CAPS2: variants seen among roughly 807,000 people sequenced by gnomAD.
CAPS2 encodes calcyphosine 2.
Under a neutral mutation model 86.5 loss-of-function variants are expected in CAPS2, and 98 were observed. The ratio of observed to expected loss-of-function variants is 1.13; its 90% CI spans 0.96 to 1.34. The LOEUF is 1.34. Ranked by LOEUF, CAPS2 falls within the 40% of genes most tolerant of loss-of-function variation. The probability of loss-of-function intolerance (pLI) is 0.00; values close to 1 mark genes in which losing one functional copy is unlikely to be tolerated. For missense variants in CAPS2, 729 were observed against 686.8 expected (o/e 1.06, Z -0.69); for synonymous variants, 210 against 225.1 (o/e 0.93, Z 0.60).
At chr12:75,299,980 C>CA in intron 8 of CAPS2, 69 bp from the exon 9 acceptor site, 1 of 596,972 alleles carries the variant, frequency 1.7e-6, no homozygotes, top group Admixed American at 3.2e-5. Flanking sequence ...TGTAAATGTA[C>CA]AAAAAAAGTT....
chr12:75,317,552 T>C (rs925141543), intron 5 of CAPS2, among the ~76,000 whole-genome samples: 5 of 152,284 alleles, frequency 3.3e-5, no homozygotes, highest in African/African-American at 9.6e-5. Flanking sequence ...AAAACTGATA[T>C]TTCCACTTAA....
intron 1 of CAPS2, among the ~76,000 whole-genome samples, chr12:75,384,913 A>C (rs2045207309): frequency 6.6e-6 from 1 of 152,256 alleles, no homozygotes; most frequent in Admixed American, 6.5e-5. Flanking sequence ...GTGGGGCTTT[A>C]AAAAGATTAT....
At chr12:75,291,688 AT>A in intron 13 of CAPS2, 55 bp downstream of exon 13, 1 of 826,236 alleles carries the variant, frequency 1.2e-6, no homozygotes, top group Non-Finnish European at 1.8e-6. Context: ...TGTTTTACTG[AT>A]TATAAAAAAG....
At chr12:75,367,369 C>G (rs2044045755) in intron 1 of CAPS2, among the ~76,000 whole-genome samples, 1 of 148,336 alleles carries the variant, frequency 6.7e-6, no homozygotes, top group African/African-American at 2.5e-5. Flanking sequence ...TATTTTATTT[C>G]TTTATGTCCG....
intron 7 of CAPS2, chr12:75,305,685 C>T: frequency 1.5e-6 from 1 of 656,880 alleles, no homozygotes; most frequent in Non-Finnish European, 2.9e-6. Context: ...CAGTCTGGCC[C>T]GGCACAGCTG....
intron 4 of CAPS2, among the ~76,000 whole-genome samples, chr12:75,321,856 A>G (rs1191326110): frequency 6.6e-6 from 1 of 152,096 alleles, no homozygotes; most frequent in African/African-American, 2.4e-5. Flanking sequence ...AGGAGAAAAA[A>G]TGACTTATCT....
At chr12:75,351,735 C>T (rs1013751769) in intron 1 of CAPS2, among the ~76,000 whole-genome samples, 1 of 152,008 alleles carries the variant, frequency 6.6e-6, no homozygotes, top group Non-Finnish European at 1.5e-5. Flanking sequence ...TTAGTACAGA[C>T]GGGGTTTTGC....
chr12:75,383,450 C>T (rs888089971), intron 1 of CAPS2, among the ~76,000 whole-genome samples: 2 of 152,062 alleles, frequency 1.3e-5, no homozygotes, highest in Non-Finnish European at 2.9e-5. Context: ...AGAGGCATTA[C>T]ATAATAATAA....
At position 75,321,466 on chromosome 12, in the gene CAPS2, T is replaced by G. The variant is rs965781464; in HGVS notation, c.402A>C (p.Arg134Ser). The change falls in exon 5 of 17, where the codon AGA becomes AGC. Residue 134 changes from arginine to serine, a missense_variant. Coordinates refer to ENST00000393284, the Ensembl canonical transcript of CAPS2. The stretch of plus-strand genomic sequence containing the variant: ...CATTTGATTTTGTATTTTCTGCATT[T>G]CTCTGACTATACTGCTTATAGCCCT... 1.0e-5 allele frequency: 16 copies of G among 1,546,850 alleles called. No homozygotes were observed. In the African/African-American group the frequency reaches 2.1e-4, roughly 20 times the overall value.
At chr12:75,353,145 C>T (rs941965484) in intron 1 of CAPS2, among the ~76,000 whole-genome samples, 1 of 152,082 alleles carries the variant, frequency 6.6e-6, no homozygotes, top group East Asian at 1.9e-4. Context: ...AAGCCAAGAT[C>T]AGAGTGAAAC....
At chr12:75,390,009 T>TA (rs1161801172) in intron 1 of CAPS2, among the ~76,000 whole-genome samples, 1 of 152,230 alleles carries the variant, frequency 6.6e-6, no homozygotes, top group African/African-American at 2.4e-5. Flanking sequence ...AGACAATTTT[T>TA]AAAAGCACTT....
chr12:75,378,975 C>T (rs1331555814), intron 1 of CAPS2, among the ~76,000 whole-genome samples: 1 of 152,106 alleles, frequency 6.6e-6, no homozygotes. Context: ...ATGAAATAAC[C>T]TAAAGGTAAA....
chr12:75,277,633 T>G, exon 17 of CAPS2: 3 of 984,788 alleles, frequency 3.0e-6, no homozygotes, highest in Non-Finnish European at 3.6e-6. Flanking sequence ...TCTTGAAAAG[T>G]GCAACTTTGA....
chr12:75,329,833 T>G, upstream of CAPS2: 1 of 1,545,460 alleles, frequency 6.5e-7, no homozygotes, highest in South Asian at 1.2e-5. Flanking sequence ...TCAGAGCACC[T>G]GCAGTGTAGC....
intron 1 of CAPS2, chr12:75,360,169 C>T (rs1376677929): frequency 6.6e-6 from 1 of 152,130 alleles, no homozygotes; most frequent in African/African-American, 2.4e-5. Flanking sequence ...ATAAGAATTA[C>T]AATTCGAGAT....
chr12:75,292,488 G>A (rs2036146143), intron 12 of CAPS2, among the ~76,000 whole-genome samples: 2 of 150,732 alleles, frequency 1.3e-5, no homozygotes, highest in African/African-American at 4.9e-5. Flanking sequence ...CCCCTCAAAT[G>A]CATTCATTTT....
At chr12:75,337,783 A>C (rs2041838032) in intron 1 of CAPS2, among the ~76,000 whole-genome samples, 1 of 152,006 alleles carries the variant, frequency 6.6e-6, no homozygotes, top group Non-Finnish European at 1.5e-5. Context: ...TGCCTAATAA[A>C]AGTATTGCTT....
Position 75,289,609 on chromosome 12 carries a change from T to C in CAPS2, c.1395+12A>G, listed in dbSNP as rs763926727. 6.2e-7 allele frequency: 1 copy of C among 1,600,430 alleles called. No homozygotes were observed. The highest frequency in any genetic ancestry group is 1.1e-5 in the South Asian group (1 of 88,352). On this transcript the variant is annotated intron_variant, in intron 14 of 16. Coordinates refer to ENST00000393284, the Ensembl canonical transcript of CAPS2. ...ATATTATCTGCTGCAGAGAATTTTC[T>C]GTAGCACATACCTTTTCAGACACTT...
intron 1 of CAPS2, among the ~76,000 whole-genome samples, chr12:75,326,212 T>C (rs984113480): frequency 6.6e-6 from 1 of 152,110 alleles, no homozygotes; most frequent in Non-Finnish European, 1.5e-5. Flanking sequence ...ATACAATAAG[T>C]TTAATTTTAA....
Sources: allele counts gnomAD v4.1 joint callset (sites outside exome capture counted in the v4.1 genomes callset), GRCh38; gene constraint gnomAD v4.1.1; transcripts MANE v1.5; gene names NCBI Gene and HGNC (gene_info 2026-07-23, HGNC 2026-07-21).